The following CCSER1 variants were observed in gnomAD, a reference collection of about 807,000 sequenced individuals.
CCSER1 encodes the protein serine-rich coiled-coil domain-containing protein 1.
A neutral mutation model predicts 82.0 loss-of-function variants in CCSER1; 41 were observed. The observed-to-expected ratio is 0.50, with a 90% confidence interval of 0.39 to 0.65. The LOEUF is 0.65. Ranked by LOEUF, CCSER1 falls within the 30% of genes least tolerant of loss-of-function variation. CCSER1 has a pLI of 0.00. For synonymous variants in CCSER1, 414 were observed against 383.9 expected (o/e 1.08, Z -0.92); for missense variants, 1,119 against 1,064.2 (o/e 1.05, Z -0.72).
chr4:91,140,427 G>C lies in CCSER1; in HGVS notation c.2217+54433G>C, dbSNP rs17018090. On this transcript the variant is annotated intron_variant, in intron 10 of 10. Coordinates refer to ENST00000509176, the MANE Select transcript of CCSER1 (RefSeq NM_001145065.2). ...TGTTTTCTAAGCTCTTGGTCTTCCA[G>C]ATTTAGAATAACTTTTAAAAGCTGT... Among the ~76,000 whole-genome samples, 1,234 of 152,008 alleles carry C rather than the reference G, an allele frequency of 8.1e-3. 8 individuals are homozygous for C. The highest frequency in any genetic ancestry group is 0.019 in the African/African-American group (790 of 41,504).
intron 10 of CCSER1, among the ~76,000 whole-genome samples, chr4:91,583,062 T>C (rs1763809584): frequency 6.6e-6 from 1 of 151,348 alleles, no homozygotes; most frequent in African/African-American, 2.4e-5. Context: ...ATGACTAACA[T>C]ACAGTTGGAG....
At chr4:90,617,231 A>G (rs571837095) in intron 5 of CCSER1, among the ~76,000 whole-genome samples, 1 of 152,166 alleles carries the variant, frequency 6.6e-6, no homozygotes, top group East Asian at 1.9e-4. Flanking sequence ...ATTGGGGGGA[A>G]TTATTTTTTT....
At chr4:90,702,042 G>T (rs1452732593) in intron 6 of CCSER1, among the ~76,000 whole-genome samples, 5 of 152,088 alleles carry the variant, frequency 3.3e-5, no homozygotes, top group Non-Finnish European at 7.3e-5. Flanking sequence ...GGGCACACCT[G>T]CCTTGTGCCA....
At chr4:90,663,523 G>C (rs1354214241) in intron 6 of CCSER1, among the ~76,000 whole-genome samples, 1 of 152,146 alleles carries the variant, frequency 6.6e-6, no homozygotes, top group Non-Finnish European at 1.5e-5. Context: ...GGTCTTGCTT[G>C]CTTTGTCACC....
At chr4:91,353,154 A>T (rs1372438325) in intron 10 of CCSER1, among the ~76,000 whole-genome samples, 1 of 152,176 alleles carries the variant, frequency 6.6e-6, no homozygotes, top group African/African-American at 2.4e-5. Context: ...CCTCTCAGAC[A>T]CTGAGTTGTA....
At chr4:91,377,271 G>T (rs935428400) in intron 10 of CCSER1, among the ~76,000 whole-genome samples, 1 of 152,142 alleles carries the variant, frequency 6.6e-6, no homozygotes, top group Non-Finnish European at 1.5e-5. Flanking sequence ...ACCCAGTAAT[G>T]AGACAGCTGG....
At chr4:91,250,001 T>G (rs1740130624) in intron 10 of CCSER1, among the ~76,000 whole-genome samples, 1 of 152,104 alleles carries the variant, frequency 6.6e-6, no homozygotes, top group Admixed American at 6.5e-5. Context: ...AACTAAAATG[T>G]CGTTCAGGGA....
chr4:90,362,969 AT>A (rs1341755253), intron 3 of CCSER1, among the ~76,000 whole-genome samples: 1 of 152,144 alleles, frequency 6.6e-6, no homozygotes, highest in Non-Finnish European at 1.5e-5. Flanking sequence ...TTATATTATT[AT>A]TTAGAGTGAA....
chr4:90,489,722 C>T (rs1340310058), intron 5 of CCSER1, among the ~76,000 whole-genome samples: 1 of 152,060 alleles, frequency 6.6e-6, no homozygotes, highest in Admixed American at 6.6e-5. Context: ...CTTCCTGTGT[C>T]CAGGTGTTCT....
chr4:90,975,959 GT>G (rs1735574962), intron 9 of CCSER1, among the ~76,000 whole-genome samples: 1 of 151,184 alleles, frequency 6.6e-6, no homozygotes, highest in South Asian at 2.1e-4. Context: ...TTTAGAGTGG[GT>G]AACATGTCTA....
chr4:91,424,002 T>C (rs1272975944), intron 10 of CCSER1, among the ~76,000 whole-genome samples: 1 of 20,802 alleles, frequency 4.8e-5, no homozygotes, highest in Non-Finnish European at 8.5e-5. Context: ...TCAGCAGATC[T>C]TTTTTTTTTT....
intron 10 of CCSER1, among the ~76,000 whole-genome samples, chr4:91,573,644 G>T (rs142499676): frequency 2.0e-5 from 3 of 152,162 alleles, no homozygotes; most frequent in African/African-American, 7.2e-5. Flanking sequence ...CCCTGGCTTC[G>T]TGATGCTACC....
intron 10 of CCSER1, among the ~76,000 whole-genome samples, chr4:91,353,453 T>C (rs553030005): frequency 1.3e-5 from 2 of 152,210 alleles, no homozygotes; most frequent in Non-Finnish European, 2.9e-5. Context: ...AACTACTGGG[T>C]TTAGGCCAGG....
At chr4:91,533,250 G>T (rs1352142231) in intron 10 of CCSER1, among the ~76,000 whole-genome samples, 2 of 152,072 alleles carry the variant, frequency 1.3e-5, no homozygotes, top group African/African-American at 4.8e-5. Context: ...GTGGCAAAAG[G>T]TTGAAAATAT....
At chr4:91,082,588 C>T (rs1377545440) in intron 9 of CCSER1, among the ~76,000 whole-genome samples, 1 of 152,118 alleles carries the variant, frequency 6.6e-6, no homozygotes, top group Non-Finnish European at 1.5e-5. Context: ...AGAGCTTCTG[C>T]ACAGCAAAAG....
At chr4:91,060,606 T>C (rs1743874433) in intron 9 of CCSER1, among the ~76,000 whole-genome samples, 1 of 152,038 alleles carries the variant, frequency 6.6e-6, no homozygotes, top group Non-Finnish European at 1.5e-5. Flanking sequence ...TTCTACTTCA[T>C]TTATTCTTGT....
chr4:90,218,007 C>G (rs950780806), intron 1 of CCSER1, among the ~76,000 whole-genome samples: 1 of 152,028 alleles, frequency 6.6e-6, no homozygotes, highest in Admixed American at 6.5e-5. Flanking sequence ...TACTATGTTG[C>G]CCAAGCTGGT....
At chr4:91,341,060 A>G (rs982208598) in intron 10 of CCSER1, among the ~76,000 whole-genome samples, 6 of 152,162 alleles carry the variant, frequency 3.9e-5, no homozygotes, top group Non-Finnish European at 7.3e-5. Flanking sequence ...TAGCATGGCA[A>G]ATTTGCTGCC....
chr4:91,132,111 A>G (rs1469137796), intron 10 of CCSER1, among the ~76,000 whole-genome samples: 1 of 152,146 alleles, frequency 6.6e-6, no homozygotes, highest in Non-Finnish European at 1.5e-5. Context: ...CTGATATCTT[A>G]CACATAGACA....
Sources: allele counts gnomAD v4.1 joint callset (sites outside exome capture counted in the v4.1 genomes callset), GRCh38; gene constraint gnomAD v4.1.1; transcripts MANE v1.5; gene names NCBI Gene and HGNC (gene_info 2026-07-23, HGNC 2026-07-21).